RANBP2: variants seen among roughly 807,000 people sequenced by gnomAD.
RANBP2 encodes E3 SUMO-protein ligase RanBP2.
RANBP2 carries 57 observed loss-of-function variants against 303.6 expected under a neutral mutation model. That is an observed-to-expected ratio of 0.19 (90% CI 0.15 to 0.23). The LOEUF (loss-of-function observed/expected upper bound fraction) is 0.23. Among genes scored for constraint, RANBP2 ranks in the 10% least tolerant of loss-of-function variants. The pLI is 1.00. For missense variants in RANBP2, 3,138 were observed against 3,780.8 expected, an observed-to-expected ratio of 0.83 and a Z score of 4.46; for synonymous variants, 1,167 against 1,301.5, an observed-to-expected ratio of 0.90 and a Z score of 2.23.
At chr2:109,627,416 C>T in the RANBP2 span, among the ~76,000 whole-genome samples, 5 of 152,234 alleles carry the variant, frequency 3.3e-5, no homozygotes, top group African/African-American at 7.2e-5. Context: ...GGGATGGTTT[C>T]GAACCTCTGA....
chr2:109,209,182 T>C, the RANBP2 span, among the ~76,000 whole-genome samples: 8 of 152,364 alleles, frequency 5.3e-5, no homozygotes, highest in Middle Eastern at 3.4e-3. Flanking sequence ...ATCATAGTTG[T>C]GTACCTGAGG....
At chr2:109,149,072 A>G in the RANBP2 span, among the ~76,000 whole-genome samples, 11 of 152,218 alleles carry the variant, frequency 7.2e-5, no homozygotes, top group East Asian at 1.9e-4. Flanking sequence ...AGAGGCTTCA[A>G]TTGAGTGCCT....
chr2:109,313,058 G>A, the RANBP2 span, among the ~76,000 whole-genome samples: 1 of 152,306 alleles, frequency 6.6e-6, no homozygotes, highest in Non-Finnish European at 1.5e-5. Context: ...CAGGAGACAG[G>A]GAACCCATGC....
the RANBP2 span, among the ~76,000 whole-genome samples, chr2:109,065,062 G>T: frequency 6.6e-6 from 1 of 152,128 alleles, no homozygotes; most frequent in Admixed American, 6.5e-5. Context: ...TGAGACTTAG[G>T]TTCAGGAGTC....
chr2:109,104,224 G>A, the RANBP2 span, among the ~76,000 whole-genome samples: 1 of 152,126 alleles, frequency 6.6e-6, no homozygotes, highest in East Asian at 1.9e-4. Context: ...GTCATGTGAT[G>A]TTATACCACA....
chr2:109,402,151 C>G, the RANBP2 span, among the ~76,000 whole-genome samples: 1 of 152,232 alleles, frequency 6.6e-6, no homozygotes, highest in African/African-American at 2.4e-5. Context: ...CTGGATGTGC[C>G]CAGAGACCAA....
At position 108,782,357 on chromosome 2, in the gene RANBP2, A is replaced by G. The variant is rs1463770304; in HGVS notation, c.8990A>G (p.Asn2997Ser). Residue 2997 changes from asparagine (N) to serine (S), a missense_variant, in exon 27 of 29, where the codon AAT becomes AGT. Around this residue, in one of 20 missense-constraint regions of RANBP2, gnomAD observed 204 missense variants for 228.4 expected, o/e 0.89. Transcript: ENST00000283195. Reference protein sequence around the residue: ...ITKTMELKPLNVSNNALVWTA... With the variant: ...ITKTMELKPLSVSNNALVWTA... Reference sequence around the variant, plus strand: ...AAAACAATGGAATTAAAGCCCTTAAATGTTTCAAATAATGCTTTAGTTTGG... The same window carrying G: ...AAAACAATGGAATTAAAGCCCTTAAGTGTTTCAAATAATGCTTTAGTTTGG... The G allele has an allele frequency of 3.1e-6, 5 of 1,614,036 alleles. No individual in the cohort carries two copies. The highest frequency in any genetic ancestry group is 3.4e-6 in the Non-Finnish European group (4 of 1,180,034).
chr2:109,282,337 A>C, the RANBP2 span, among the ~76,000 whole-genome samples: 1 of 152,168 alleles, frequency 6.6e-6, no homozygotes, highest in South Asian at 2.1e-4. Flanking sequence ...CATTTTCTTA[A>C]CCAAAAAAAT....
chr2:109,019,037 TAGATC>T, the RANBP2 span, among the ~76,000 whole-genome samples: 1 of 152,246 alleles, frequency 6.6e-6, no homozygotes, highest in African/African-American at 2.4e-5. Flanking sequence ...GCGCCTGTTC[TAGATC>T]AGATCAGATC....
chr2:109,299,987 G>A, the RANBP2 span, among the ~76,000 whole-genome samples: 4 of 152,086 alleles, frequency 2.6e-5, no homozygotes, highest in African/African-American at 7.2e-5. Context: ...TATTTATTTC[G>A]CTCTTTCTTC....
chr2:108,798,680 T>C, the RANBP2 span: 6 of 866,496 alleles, frequency 6.9e-6, no homozygotes, highest in Admixed American at 2.6e-5. Context: ...TGCTTATTTC[T>C]CCTTCCCTTC....
At chr2:109,614,126 C>T in the RANBP2 span, 1 of 1,206,268 alleles carries the variant, frequency 8.3e-7, no homozygotes, top group Non-Finnish European at 1.0e-6. Flanking sequence ...TGAAGGAGAG[C>T]TGGGACTCCA....
the RANBP2 span, among the ~76,000 whole-genome samples, chr2:109,277,084 G>A: frequency 6.6e-6 from 1 of 152,288 alleles, no homozygotes; most frequent in South Asian, 2.1e-4. Flanking sequence ...TCAGCCCCAC[G>A]CCGGCGGTCC....
chr2:108,798,809 CCACACCTACACACACACACACA>C, the RANBP2 span, among the ~76,000 whole-genome samples: 1 of 104,474 alleles, frequency 9.6e-6, no homozygotes, highest in Non-Finnish European at 1.9e-5. Context: ...CTCCTCCTCT[CCACACCTACACACACACACACA>C]CACACACACA....
At chr2:109,440,959 C>G in the RANBP2 span, among the ~76,000 whole-genome samples, 1 of 151,578 alleles carries the variant, frequency 6.6e-6, no homozygotes, top group Non-Finnish European at 1.5e-5. Context: ...GGAAAAATTG[C>G]AGAAATCACC....
At chr2:109,148,103 G>A in the RANBP2 span, among the ~76,000 whole-genome samples, 2 of 152,198 alleles carry the variant, frequency 1.3e-5, no homozygotes. Context: ...TGCCAGCCGG[G>A]TCCTACACAG....
the RANBP2 span, among the ~76,000 whole-genome samples, chr2:109,371,076 A>G: frequency 6.6e-6 from 1 of 152,206 alleles, no homozygotes; most frequent in African/African-American, 2.4e-5. Flanking sequence ...GGCTCTTTGC[A>G]GCTATAATCA....
At chr2:109,751,309 TAG>T in the RANBP2 span, among the ~76,000 whole-genome samples, 1 of 79,804 alleles carries the variant, frequency 1.3e-5, no homozygotes, top group African/African-American at 4.0e-5. Flanking sequence ...TTCTGACCCA[TAG>T]ACTCTCTTCA....
chr2:109,710,100 A>AT, the RANBP2 span, among the ~76,000 whole-genome samples: 3 of 149,916 alleles, frequency 2.0e-5, no homozygotes, highest in Non-Finnish European at 4.4e-5. Flanking sequence ...AAAAAAAAAA[A>AT]GCCAGGTGTG....
Sources: allele counts gnomAD v4.1 joint callset (sites outside exome capture counted in the v4.1 genomes callset), GRCh38; gene constraint gnomAD v4.1.1; regional missense constraint gnomAD v4.1.1; transcripts MANE v1.5; gene names NCBI Gene and HGNC (gene_info 2026-07-23, HGNC 2026-07-21).